KIF3A: variants seen among roughly 807,000 people sequenced by gnomAD.
The protein encoded by KIF3A is kinesin-like protein KIF3A.
KIF3A carries 27 observed loss-of-function variants against 92.6 expected under a neutral mutation model. That is an observed-to-expected ratio of 0.29 (90% CI 0.21 to 0.40). The LOEUF (loss-of-function observed/expected upper bound fraction) is 0.40. Ranked by LOEUF, KIF3A falls within the 10% of genes least tolerant of loss-of-function variation. KIF3A has a pLI of 1.00. For synonymous variants in KIF3A, 250 were observed against 275.4 expected (o/e 0.91, Z 0.92); for missense variants, 581 against 872.6 (o/e 0.67, Z 4.21).
chr5:132,726,430 G>C lies in KIF3A; in HGVS notation c.349C>G (p.Pro117Ala), dbSNP rs777561174. Residue 117 changes from proline (P) to alanine (A), a missense_variant, in exon 3 of 19, where the codon CCT (proline) becomes GCT (alanine). Pro to Ala is a conservative substitution (Grantham distance 27). Transcript: ENST00000403231. Reference sequence around the variant, plus strand: ...TTGGGAATTATTCCTCTAAGTTCAGGAATAGCTCGAACACCTTCCATGGTA... The same window carrying C: ...TTGGGAATTATTCCTCTAAGTTCAGCAATAGCTCGAACACCTTCCATGGTA... ...TFTMEGVRAI[P>A]ELRGIIPNSF... 1 of 1,613,632 alleles carries C rather than the reference G, an allele frequency of 6.2e-7. No homozygotes were observed. The highest frequency in any genetic ancestry group is 1.1e-5 in the South Asian group (1 of 91,062).
chr5:132,691,633 T>C (rs1257122914), downstream of KIF3A, among the ~76,000 whole-genome samples: 1 of 151,752 alleles, frequency 6.6e-6, no homozygotes, highest in Non-Finnish European at 1.5e-5. Context: ...CTGGGCACAG[T>C]AGCTCAGGCC....
intron 8 of KIF3A, among the ~76,000 whole-genome samples, chr5:132,713,765 C>G (rs752295827): frequency 2.3e-4 from 35 of 151,320 alleles, no homozygotes; most frequent in Non-Finnish European, 2.2e-4. Context: ...AGTATATACA[C>G]AATGGAATGT....
At chr5:132,729,115 T>C (rs547464927) in intron 2 of KIF3A, among the ~76,000 whole-genome samples, 44 of 152,028 alleles carry the variant, frequency 2.9e-4, no homozygotes, top group Non-Finnish European at 5.1e-4. Context: ...CAGCGGACTT[T>C]GGGAACTCAG....
At chr5:132,722,703 C>T (rs565352316) in intron 4 of KIF3A, among the ~76,000 whole-genome samples, 3 of 152,228 alleles carry the variant, frequency 2.0e-5, no homozygotes, top group African/African-American at 7.2e-5. Flanking sequence ...AATATGAGAA[C>T]ACAGAAAAAC....
chr5:132,737,376 A>G, intron 1 of KIF3A, 38 bp downstream of exon 1: 1 of 1,599,614 alleles, frequency 6.3e-7, no homozygotes, highest in Non-Finnish European at 8.5e-7. Context: ...GGCCGCTAGG[A>G]TGAGAAGAAA....
chr5:132,692,395 C>A (rs1752687779), downstream of KIF3A: 1 of 152,162 alleles, frequency 6.6e-6, no homozygotes, highest in Non-Finnish European at 1.5e-5. Context: ...TGTAACAAAC[C>A]TTCACATGTA....
intron 9 of KIF3A, among the ~76,000 whole-genome samples, chr5:132,710,545 G>A (rs1753382608): frequency 6.6e-6 from 1 of 152,310 alleles, no homozygotes; most frequent in Admixed American, 6.5e-5. Flanking sequence ...CAACCTGGGA[G>A]GTGGAGGTTG....
intron 8 of KIF3A, among the ~76,000 whole-genome samples, chr5:132,714,485 T>C (rs1464703570): frequency 6.6e-6 from 1 of 152,192 alleles, no homozygotes; most frequent in Non-Finnish European, 1.5e-5. Context: ...ACAATATGGA[T>C]GAACCTTCAA....
chr5:132,725,607 A>G (rs947110243), intron 4 of KIF3A, among the ~76,000 whole-genome samples: 1 of 152,110 alleles, frequency 6.6e-6, no homozygotes, highest in Admixed American at 6.6e-5. Context: ...AACCCCTCTA[A>G]ATTTCAGTTC....
In KIF3A at chr5:132,726,218, A is replaced by G. The variant is rs370184907; in HGVS notation, c.426-6T>C. 5.2e-5 allele frequency: 84 copies of G among 1,600,482 alleles called. No individual in the cohort carries two copies. Among genetic ancestry groups the G allele is most frequent in the Non-Finnish European group, 1.8e-5 (21 of 1,173,550 alleles). ...AAGACACTCGAACCAAAAATCTATA[A>G]AACATCATTTTTAAAAAGTCAAAGA... On this transcript the variant is annotated splice_polypyrimidine_tract_variant and splice_region_variant and intron_variant, in intron 3 of 18. Transcript: ENST00000403231.
rs752861041 is a variant in KIF3A, at chr5:132,711,044, T to C, written c.1143A>G (p.Ser381=). 4.3e-6 allele frequency: 7 copies of C among 1,610,310 alleles called. No individual in the cohort carries two copies. In the Admixed American group the frequency reaches 1.0e-4, roughly 23 times the overall value. ...CCTCTGACCCACTGATATCAGAGCC[T>C]GATATTTCTTCTCCTTGGACAGAAA... ...KKKLEEGEEI[S]GSDISGSEED... The change falls in exon 9 of 19, where the codon TCA becomes TCG. Residue 381 remains serine (S), a synonymous_variant. Coordinates refer to ENST00000403231, the MANE Select transcript of KIF3A (RefSeq NM_001300791.2).
chr5:132,712,355 G>A (rs1004976360), intron 8 of KIF3A, among the ~76,000 whole-genome samples: 23 of 152,164 alleles, frequency 1.5e-4, no homozygotes, highest in Admixed American at 2.6e-4. Context: ...TACTCTGAAG[G>A]ATCTCATAAT....
At chr5:132,698,076 T>G (rs1752898250) in intron 18 of KIF3A, 1 of 152,200 alleles carries the variant, frequency 6.6e-6, no homozygotes, top group African/African-American at 2.4e-5. Flanking sequence ...TTTGTACATT[T>G]TTAATATTCA....
At chr5:132,723,334 A>G (rs1309449055) in intron 4 of KIF3A, 2 of 152,252 alleles carry the variant, frequency 1.3e-5, no homozygotes, top group African/African-American at 4.8e-5. Flanking sequence ...AAGAGCCCGC[A>G]TTGCCAAGTC....
At chr5:132,713,990 A>T (rs1252121589) in intron 8 of KIF3A, among the ~76,000 whole-genome samples, 4 of 135,248 alleles carry the variant, frequency 3.0e-5, no homozygotes, top group African/African-American at 1.1e-4. Flanking sequence ...TCCACCTTCC[A>T]GGTTCAAGTG....
chr5:132,696,638 T>C lies in KIF3A; in HGVS notation c.2177A>G (p.Gln726Arg). The change falls in exon 19 of 19, where the codon CAG becomes CGG. Residue 726 changes from glutamine to arginine, a missense_variant. Gln to Arg is a conservative substitution (Grantham distance 43). This residue lies in a region of KIF3A where 112 missense variants were observed against 144.3 expected (regional missense o/e 0.78). Transcript: ENST00000403231. ...GTGACTTTAAGTCTGTAACATTTAC[T>C]GCAGTAAAGAGTCAATTACAGTTTC... is the stretch of plus-strand genomic sequence containing the variant. Reference protein sequence around the residue: ...KPETVIDSLLQ With the variant: ...KPETVIDSLLR 2 of 1,599,526 alleles carry C rather than the reference T, an allele frequency of 1.3e-6. No individual in the cohort carries two copies. Among genetic ancestry groups the C allele is most frequent in the Non-Finnish European group, 1.7e-6 (2 of 1,166,920 alleles).
At chr5:132,715,446 A>T (rs184210341) in intron 8 of KIF3A, among the ~76,000 whole-genome samples, 2 of 152,068 alleles carry the variant, frequency 1.3e-5, no homozygotes, top group Admixed American at 1.3e-4. Flanking sequence ...CTAAATACAT[A>T]CATTGCAGAA....
chr5:132,706,607 G>A (rs546373995), intron 10 of KIF3A, 148 bp from the exon 11 acceptor site: 221 of 566,760 alleles, frequency 3.9e-4, no homozygotes, highest in Non-Finnish European at 5.4e-4. Flanking sequence ...AAATCAAACC[G>A]TTATCAAAAC....
chr5:132,705,481 T>C (rs1190632093), intron 11 of KIF3A, among the ~76,000 whole-genome samples: 1 of 151,986 alleles, frequency 6.6e-6, no homozygotes. Context: ...TCAAAACCCA[T>C]TAAGAAGCAG....
Sources: gnomAD v4.1 joint callset for allele counts (sites outside exome capture counted in the v4.1 genomes callset) on GRCh38, gnomAD v4.1.1 for gene constraint, gnomAD v4.1.1 regional missense constraint, MANE v1.5 for transcripts, NCBI Gene and HGNC (gene_info 2026-07-23, HGNC 2026-07-21) for gene names.